PDE4D: variants seen among roughly 807,000 people sequenced by gnomAD.
PDE4D encodes phosphodiesterase 4D, also known as 3',5'-cyclic-AMP phosphodiesterase 4D.
In PDE4D, 24 loss-of-function variants were observed where a neutral mutation model predicts 87.4. The observed-to-expected ratio is 0.27, with a 90% CI of 0.20 to 0.39. PDE4D has a LOEUF of 0.39. PDE4D is among the 10% of genes least tolerant of loss of function. The pLI, the probability that PDE4D is intolerant of heterozygous loss-of-function variation, is 1.00. For synonymous variants in PDE4D, 384 were observed against 383.2 expected (o/e 1.00, Z -0.02); for missense variants, 714 against 1,041.0 (o/e 0.69, Z 4.32).
At chr5:60,223,008 CCTT>C (rs1744671038) in intron 1 of PDE4D, among the ~76,000 whole-genome samples, 1 of 152,052 alleles carries the variant, frequency 6.6e-6, no homozygotes, top group African/African-American at 2.4e-5. Context: ...TAAAAGTTTT[CCTT>C]CTTTTCATTT....
chr5:59,625,919 A>G (rs1042934841), intron 1 of PDE4D, among the ~76,000 whole-genome samples: 1 of 152,074 alleles, frequency 6.6e-6, no homozygotes, highest in Non-Finnish European at 1.5e-5. Flanking sequence ...TCTCTACTAA[A>G]AAAACAAAAA....
chr5:59,573,391 A>G (rs796766731), intron 1 of PDE4D, among the ~76,000 whole-genome samples: 14 of 152,130 alleles, frequency 9.2e-5, no homozygotes, highest in African/African-American at 3.1e-4. Context: ...AGACATACAT[A>G]TATTAGTGGT....
chr5:59,005,970 C>A (rs1489966014), intron 6 of PDE4D, among the ~76,000 whole-genome samples: 1 of 152,166 alleles, frequency 6.6e-6, no homozygotes, highest in Non-Finnish European at 1.5e-5. Flanking sequence ...GTTACTATCA[C>A]CATGGTCAGA....
chr5:59,264,319 TA>T (rs1191397041), intron 1 of PDE4D, among the ~76,000 whole-genome samples: 1 of 152,078 alleles, frequency 6.6e-6, no homozygotes, highest in Non-Finnish European at 1.5e-5. Context: ...ATCTTGGTTT[TA>T]AACAATGCAG....
At chr5:58,983,307 G>T (rs1434915181) in intron 11 of PDE4D, among the ~76,000 whole-genome samples, 1 of 152,252 alleles carries the variant, frequency 6.6e-6, no homozygotes, top group Non-Finnish European at 1.5e-5. Context: ...AGAAGGCAGT[G>T]TAATTAATAG....
intron 5 of PDE4D, among the ~76,000 whole-genome samples, chr5:59,135,446 T>C (rs1295032154): frequency 2.0e-5 from 3 of 152,220 alleles, no homozygotes; most frequent in Non-Finnish European, 4.4e-5. Context: ...TAACCATTTT[T>C]CTTTTTCTTA....
At chr5:59,083,193 A>T (rs888092830) in intron 5 of PDE4D, among the ~76,000 whole-genome samples, 9 of 152,202 alleles carry the variant, frequency 5.9e-5, no homozygotes, top group Middle Eastern at 3.4e-3. Context: ...CCTAGTCTGC[A>T]TTCACTTCTA....
At chr5:60,225,816 A>G (rs1745030805) in intron 1 of PDE4D, among the ~76,000 whole-genome samples, 1 of 152,074 alleles carries the variant, frequency 6.6e-6, no homozygotes, top group African/African-American at 2.4e-5. Flanking sequence ...TCATATTACT[A>G]TTTATATTTT....
rs144023683 is a variant in PDE4D, at chr5:60,487,486, G to A, written c.-90+456C>T. On this transcript the variant is annotated intron_variant, in intron 1 of 16. Transcript: ENST00000502484. ...GCTGCCATCATTTTACATTTCTCCT[G>A]TTACTGTGCCCTATCTGCTGTGTAC... Among the ~76,000 whole-genome samples, 10 of 152,248 alleles carry A rather than the reference G, an allele frequency of 6.6e-5. No individual in the cohort carries two copies. In the South Asian group the frequency reaches 2.1e-3, roughly 32 times the overall value.
intron 1 of PDE4D, among the ~76,000 whole-genome samples, chr5:59,406,405 C>G (rs889482218): frequency 9.1e-6 from 1 of 110,216 alleles, no homozygotes; most frequent in Middle Eastern, 3.9e-3. Flanking sequence ...TCCCCCCCCC[C>G]CCCCCCATAG....
At chr5:59,416,283 A>C (rs1276459639) in intron 1 of PDE4D, among the ~76,000 whole-genome samples, 1 of 152,202 alleles carries the variant, frequency 6.6e-6, no homozygotes, top group African/African-American at 2.4e-5. Context: ...AGCCAATTTT[A>C]TCAGAGAATC....
At chr5:59,429,479 G>T (rs890494068) in intron 1 of PDE4D, among the ~76,000 whole-genome samples, 4 of 152,164 alleles carry the variant, frequency 2.6e-5, no homozygotes, top group Non-Finnish European at 5.9e-5. Flanking sequence ...TGCTTTGTGA[G>T]TTTGTGTAGA....
chr5:59,157,080 C>A, intron 5 of PDE4D: 2 of 380,006 alleles, frequency 5.3e-6, no homozygotes, highest in Admixed American at 4.5e-5. Context: ...CAAGCAAAGA[C>A]TTCTTTATAC....
intron 3 of PDE4D, among the ~76,000 whole-genome samples, chr5:59,947,257 T>A (rs1396348225): frequency 6.6e-6 from 1 of 152,226 alleles, no homozygotes; most frequent in Non-Finnish European, 1.5e-5. Flanking sequence ...GAGAGCACTT[T>A]GCCGTCTTTT....
At chr5:60,353,497 C>T (rs538600622) in intron 1 of PDE4D, among the ~76,000 whole-genome samples, 1 of 152,346 alleles carries the variant, frequency 6.6e-6, no homozygotes, top group East Asian at 1.9e-4. Context: ...AGAAGTTAGT[C>T]TCTGCTTTCC....
At chr5:59,026,944 C>T (rs144198470) in intron 6 of PDE4D, among the ~76,000 whole-genome samples, 4 of 152,250 alleles carry the variant, frequency 2.6e-5, no homozygotes, top group African/African-American at 7.2e-5. Flanking sequence ...AATACTGATA[C>T]ATTATTATTA....
At chr5:59,596,609 TAAGTA>T (rs1826719324) in intron 1 of PDE4D, among the ~76,000 whole-genome samples, 1 of 152,058 alleles carries the variant, frequency 6.6e-6, no homozygotes, top group Non-Finnish European at 1.5e-5. Context: ...TTGACTTTGT[TAAGTA>T]TTTTATTATC....
intron 1 of PDE4D, among the ~76,000 whole-genome samples, chr5:59,249,849 GTGTGTGTGTATA>G (rs1240243468): frequency 6.6e-6 from 1 of 151,976 alleles, no homozygotes; most frequent in Admixed American, 6.6e-5. Context: ...GTCGTATTGT[GTGTGTGTGTATA>G]TGTGTGTGTG....
chr5:60,311,203 G>A (rs573636648), intron 1 of PDE4D, among the ~76,000 whole-genome samples: 42 of 151,694 alleles, frequency 2.8e-4, no homozygotes, highest in Non-Finnish European at 5.4e-4. Context: ...TTTGTATTTC[G>A]TAGAGACGGG....
Sources: gnomAD v4.1 joint callset for allele counts (sites outside exome capture counted in the v4.1 genomes callset) on GRCh38, gnomAD v4.1.1 for gene constraint, MANE v1.5 for transcripts, NCBI Gene and HGNC (gene_info 2026-07-23, HGNC 2026-07-21) for gene names.